CDC45: variants seen among roughly 807,000 people sequenced by gnomAD.
CDC45 encodes the protein cell division cycle 45, also known as cell division control protein 45 homolog.
In CDC45, 54 loss-of-function variants were observed where a neutral mutation model predicts 77.8. The observed-to-expected ratio is 0.69, with a 90% CI of 0.56 to 0.87. The LOEUF is 0.87. Among genes scored for constraint, CDC45 ranks in the 40% least tolerant of loss-of-function variants. The pLI is 0.00. For missense variants in CDC45, 649 were observed against 721.6 expected, an observed-to-expected ratio of 0.90 and a Z score of 1.15; for synonymous variants, 260 against 272.1, an observed-to-expected ratio of 0.96 and a Z score of 0.44.
chr22:19,504,824 G>C (rs561955201), intron 9 of CDC45, among the ~76,000 whole-genome samples: 1 of 152,294 alleles, frequency 6.6e-6, no homozygotes, highest in African/African-American at 2.4e-5. Flanking sequence ...TTCAAGTTGT[G>C]ATCTACGGAG....
chr22:19,486,676 A>G (rs1472811428), intron 5 of CDC45, among the ~76,000 whole-genome samples: 2 of 152,110 alleles, frequency 1.3e-5, no homozygotes, highest in Admixed American at 6.5e-5. Context: ...GTATGTGTAT[A>G]TTAGAGGTAT....
intron 5 of CDC45, among the ~76,000 whole-genome samples, chr22:19,491,996 AG>A (rs764810044): frequency 9.9e-5 from 15 of 151,906 alleles, no homozygotes; most frequent in Non-Finnish European, 8.8e-5. Context: ...AGTAGAGATG[AG>A]GTTTTTCCAT....
intron 5 of CDC45, among the ~76,000 whole-genome samples, chr22:19,486,090 C>T (rs1026900280): frequency 6.6e-6 from 1 of 152,174 alleles, no homozygotes; most frequent in Non-Finnish European, 1.5e-5. Flanking sequence ...GGCACGATCT[C>T]GGCTCCCTTC....
chr22:19,495,124 T>C (rs1164103582), intron 6 of CDC45, among the ~76,000 whole-genome samples: 1 of 152,238 alleles, frequency 6.6e-6, no homozygotes, highest in Non-Finnish European at 1.5e-5. Context: ...AAATAATCCA[T>C]AATCACACTG....
intron 4 of CDC45, 137 bp from the exon 5 acceptor site, chr22:19,483,725 T>G (rs2090021066): frequency 1.2e-6 from 1 of 809,850 alleles, no homozygotes; most frequent in Non-Finnish European, 1.9e-6. Context: ...CTGGAACTCT[T>G]GTTAAATAGG....
intron 10 of CDC45, among the ~76,000 whole-genome samples, 170 bp downstream of exon 10, chr22:19,505,651 G>C (rs1254115961): frequency 2.0e-5 from 3 of 152,324 alleles, no homozygotes; most frequent in African/African-American, 7.2e-5. Flanking sequence ...CATCTGTGTG[G>C]CTTTGGCTTC....
chr22:19,498,352 A>T (rs2090281111), intron 8 of CDC45, among the ~76,000 whole-genome samples: 1 of 152,230 alleles, frequency 6.6e-6, no homozygotes, highest in Non-Finnish European at 1.5e-5. Context: ...AGCTCTTGCT[A>T]GGCATCCTTG....
intron 18 of CDC45, among the ~76,000 whole-genome samples, chr22:19,519,207 T>C (rs1933974399): frequency 6.6e-6 from 1 of 152,202 alleles, no homozygotes; most frequent in Non-Finnish European, 1.5e-5. Flanking sequence ...GTGACACATG[T>C]CACACACAGA....
At chr22:19,510,105 G>A (rs1226610068) in intron 13 of CDC45, among the ~76,000 whole-genome samples, 6 of 152,062 alleles carry the variant, frequency 3.9e-5, no homozygotes, top group Non-Finnish European at 8.8e-5. Context: ...GGGACAACAG[G>A]TGCATGCCAC....
chr22:19,494,139 C>T (rs1402824560), intron 5 of CDC45, among the ~76,000 whole-genome samples, 188 bp from the exon 6 acceptor site: 2 of 152,150 alleles, frequency 1.3e-5, no homozygotes, highest in Non-Finnish European at 2.9e-5. Flanking sequence ...CAGAAGGGGT[C>T]ACAGCCATCC....
chr22:19,491,554 T>C (rs9617796), intron 5 of CDC45, among the ~76,000 whole-genome samples: 4,365 of 152,278 alleles, frequency 0.029, 215 homozygotes, highest in African/African-American at 0.099. Flanking sequence ...TGATTTCTCA[T>C]GAGAAATCCT....
intron 6 of CDC45, among the ~76,000 whole-genome samples, 150 bp from the exon 7 acceptor site, chr22:19,495,828 AAAG>A (rs1266955186): frequency 3.3e-5 from 5 of 152,220 alleles, no homozygotes; most frequent in Non-Finnish European, 7.3e-5. Context: ...TCTCAACAAA[AAAG>A]AAAAAACCAA....
chr22:19,516,362 G>C (rs1204459100), intron 15 of CDC45, 165 bp from the exon 16 acceptor site: 2 of 671,496 alleles, frequency 3.0e-6, no homozygotes, highest in Admixed American at 4.5e-5. Flanking sequence ...CACTGGCCTT[G>C]GGCATCTAAC....
In CDC45 at chr22:19,499,264, G is replaced by A. The variant is rs2090297812; in HGVS notation, c.704+113G>A. 5 of 1,041,594 alleles carry A rather than the reference G, an allele frequency of 4.8e-6. 1 individual carries two copies. In the Admixed American group the frequency reaches 5.4e-5, roughly 11 times the overall value. 64.5% of individuals were successfully genotyped at this position (1,041,594 alleles called of 1,614,324 possible). A position where few individuals can be genotyped will look rare whatever the true frequency, so the allele number is the denominator to read the frequency against. ...GGTCCCTGTAGGGTCCTATTGAGAA[G>A]TGAGGACTGGCCCTCCTCCTTGGGC... On this transcript the variant is annotated intron_variant, in intron 9 of 18. Coordinates refer to ENST00000263201, the MANE Select transcript of CDC45 (RefSeq NM_003504.5).
At chr22:19,505,290 G>A in intron 9 of CDC45, 72 bp from the exon 10 acceptor site, 1 of 1,600,506 alleles carries the variant, frequency 6.2e-7, no homozygotes, top group Non-Finnish European at 8.6e-7. Context: ...GAGCGGGAAT[G>A]GAGCCTAGGC....
At chr22:19,508,824 T>C (rs1263236642) in intron 13 of CDC45, 133 bp downstream of exon 13, 2 of 740,838 alleles carry the variant, frequency 2.7e-6, no homozygotes, top group Non-Finnish European at 4.5e-6. Flanking sequence ...TGAACTGGAA[T>C]CACAGTGCCA....
intron 5 of CDC45, among the ~76,000 whole-genome samples, chr22:19,492,224 G>A (rs1359234618): frequency 1.3e-5 from 2 of 151,886 alleles, no homozygotes; most frequent in Non-Finnish European, 2.9e-5. Flanking sequence ...TTTTGTTGTA[G>A]CCCCACAAGT....
intron 5 of CDC45, among the ~76,000 whole-genome samples, chr22:19,492,607 C>T (rs377453325): frequency 2.0e-5 from 3 of 152,190 alleles, no homozygotes; most frequent in East Asian, 3.9e-4. Flanking sequence ...CTGTTGGCAT[C>T]GGTGGGTTTT....
At chr22:19,494,445 C>G in intron 6 of CDC45, 63 bp downstream of exon 6, 1 of 1,594,870 alleles carries the variant, frequency 6.3e-7, no homozygotes, top group African/African-American at 1.3e-5. Context: ...GTCTGTGGTG[C>G]CACCCATACC....
Sources: allele counts gnomAD v4.1 joint callset (sites outside exome capture counted in the v4.1 genomes callset), GRCh38; gene constraint gnomAD v4.1.1; transcripts MANE v1.5; gene names NCBI Gene and HGNC (gene_info 2026-07-23, HGNC 2026-07-21).